GABARAPL2: variants seen among roughly 807,000 people sequenced by gnomAD.
GABARAPL2 encodes gamma-aminobutyric acid receptor-associated protein-like 2.
In GABARAPL2, 11 loss-of-function variants were observed where a neutral mutation model predicts 16.9. The ratio of observed to expected loss-of-function variants is 0.65; its 90% CI spans 0.41 to 1.08. The LOEUF (loss-of-function observed/expected upper bound fraction) is 1.08, where lower values mean the gene tolerates loss of function less well. Among genes scored for constraint, GABARAPL2 ranks in the 50% least tolerant of loss-of-function variants. GABARAPL2 has a pLI of 0.00. For missense variants in GABARAPL2, 134 were observed against 142.5 expected, an observed-to-expected ratio of 0.94 and a Z score of 0.30; for synonymous variants, 57 against 50.7, an observed-to-expected ratio of 1.12 and a Z score of -0.53.
chr16:75,568,374 C>T (rs1176591861), intron 3 of GABARAPL2, 165 bp downstream of exon 3: 2 of 490,868 alleles, frequency 4.1e-6, no homozygotes, highest in African/African-American at 1.9e-5. Context: ...GGCTGCAATA[C>T]ATAAGAGTGC....
At chr16:75,575,010 C>T (rs543400412) in intron 3 of GABARAPL2, among the ~76,000 whole-genome samples, 3 of 152,046 alleles carry the variant, frequency 2.0e-5, no homozygotes, top group Admixed American at 6.6e-5. Context: ...CCAGCCCAAG[C>T]GACAGAGCAA....
At chr16:75,573,222 C>T (rs556342377) in intron 3 of GABARAPL2, among the ~76,000 whole-genome samples, 2 of 152,356 alleles carry the variant, frequency 1.3e-5, no homozygotes, top group South Asian at 2.1e-4. Flanking sequence ...TTTTGTCTCC[C>T]TGCACTTCCA....
rs1056715315 is a variant in GABARAPL2 at position 75,577,310 on chromosome 16, A to C, written c.295A>C (p.Lys99Gln). 17 of 1,612,658 alleles carry C rather than the reference A, an allele frequency of 1.1e-5. No individual in the cohort carries two copies. The highest frequency in any genetic ancestry group is 1.4e-5 in the Non-Finnish European group (16 of 1,178,748). The stretch of plus-strand genomic sequence containing the variant: ...TATGGGACAGCTTTACGAGAAGGAA[A>C]AAGATGAAGATGGATTCTTATATGT... ...LTMGQLYEKE[K>Q]DEDGFLYVAY... The change falls in exon 4 of 4, where the codon AAA (lysine) becomes CAA (glutamine). Residue 99 changes from lysine to glutamine, a missense_variant. Physicochemically the swap from Lys to Gln is moderately conservative, Grantham distance 53. Coordinates refer to ENST00000037243, the MANE Select transcript of GABARAPL2 (RefSeq NM_007285.7).
chr16:75,571,111 G>A (rs1447439782), intron 3 of GABARAPL2, among the ~76,000 whole-genome samples: 1 of 152,162 alleles, frequency 6.6e-6, no homozygotes, highest in Non-Finnish European at 1.5e-5. Context: ...ACAAGGTCTT[G>A]CTCTGTCACC....
At chr16:75,572,981 G>A (rs776909318) in intron 3 of GABARAPL2, among the ~76,000 whole-genome samples, 17 of 152,332 alleles carry the variant, frequency 1.1e-4, no homozygotes, top group Middle Eastern at 3.4e-3. Context: ...TGCTACTTGC[G>A]AGTTGTCAGG....
At position 75,566,419 on chromosome 16, in the gene GABARAPL2, G is replaced by C; in HGVS notation, c.-68G>C. On this transcript the variant is annotated 5_prime_UTR_variant, in exon 1 of 4. Transcript: ENST00000037243. ...TGCCGCTGCCGCTGCCGCCGTCGTT[G>C]TTGTTGTGCTCGGTGCGCTGAGCTC... 2.4e-6 allele frequency: 3 copies of C among 1,227,436 alleles called. No individual in the cohort carries two copies. Among genetic ancestry groups the C allele is most frequent in the Non-Finnish European group, 3.5e-6 (3 of 848,064 alleles). The allele number at this position is 1,227,436 out of a possible 1,614,324, so 76.0% of individuals were successfully genotyped here. A position where few individuals can be genotyped will look rare whatever the true frequency, so the allele number is the denominator to read the frequency against.
At chr16:75,566,577 T>TC in intron 1 of GABARAPL2, 57 bp downstream of exon 1, 2 of 1,580,262 alleles carry the variant, frequency 1.3e-6, no homozygotes, top group East Asian at 2.3e-5. Context: ...GTGGGCCCCC[T>TC]CCCCCACTCG....
Position 75,568,228 on chromosome 16 carries a change from A to G in GABARAPL2, c.263+19A>G. ...AGTCCAGGTGAGAGGTGTTTACTAGATGGGCCCTCTGGTATTAGACATCTG... is the reference window on the plus strand; with the variant it reads ...AGTCCAGGTGAGAGGTGTTTACTAGGTGGGCCCTCTGGTATTAGACATCTG... On this transcript the variant is annotated intron_variant, in intron 3 of 3. Coordinates refer to ENST00000037243, the MANE Select transcript of GABARAPL2 (RefSeq NM_007285.7). 6.4e-7 allele frequency: 1 copy of G among 1,557,296 alleles called. No homozygotes were observed. Among genetic ancestry groups the G allele is most frequent in the East Asian group, 2.3e-5 (1 of 43,906 alleles).
At chr16:75,571,898 T>G (rs1385763451) in intron 3 of GABARAPL2, among the ~76,000 whole-genome samples, 1 of 151,978 alleles carries the variant, frequency 6.6e-6, no homozygotes, top group African/African-American at 2.4e-5. Context: ...GCTGGTCTCT[T>G]AACTCCTGAC....
Position 75,566,908 on chromosome 16 carries a change from G to T in GABARAPL2, c.90+1G>T, listed in dbSNP as rs777123029. On this transcript the variant is annotated splice_donor_variant, in intron 2 of 3. Coordinates refer to ENST00000037243, the MANE Select transcript of GABARAPL2 (RefSeq NM_007285.7). LOFTEE classifies it high-confidence loss of function. ...AGCGAAATATCCCGACAGGGTTCCG[G>T]TGAGTGGACTCTCCGCCCCCTCACC... 1.9e-6 allele frequency: 3 copies of T among 1,611,680 alleles called. No individual in the cohort carries two copies. The highest frequency in any genetic ancestry group is 2.2e-5 in the East Asian group (1 of 44,870).
intron 2 of GABARAPL2, 83 bp from the exon 3 acceptor site, chr16:75,567,954 A>G: frequency 9.4e-7 from 1 of 1,058,376 alleles, no homozygotes; most frequent in Non-Finnish European, 1.4e-6. Context: ...CCTTGCCCAC[A>G]CTCTGTTCAT....
intron 3 of GABARAPL2, among the ~76,000 whole-genome samples, chr16:75,569,388 G>C (rs1481607673): frequency 6.6e-6 from 1 of 152,178 alleles, no homozygotes; most frequent in Non-Finnish European, 1.5e-5. Context: ...TGGAAGCTGT[G>C]GTGTTGCTTG....
At chr16:75,574,469 A>G (rs1450152830) in intron 3 of GABARAPL2, among the ~76,000 whole-genome samples, 1 of 152,148 alleles carries the variant, frequency 6.6e-6, no homozygotes, top group Non-Finnish European at 1.5e-5. Flanking sequence ...ACTTGGACAA[A>G]TGGGGTAAAG....
In GABARAPL2 at chr16:75,569,576, G is replaced by C. The variant is rs536614423; in HGVS notation, c.263+1367G>C. On this transcript the variant is annotated intron_variant, in intron 3 of 3. Transcript: ENST00000037243. The stretch of plus-strand genomic sequence containing the variant: ...ACTTCTACAGAGCCTTGGTGACTCT[G>C]TGTTTTGTACTTCCTGGAGGTGTTG... 2.0e-5 allele frequency among the ~76,000 whole-genome samples: 3 copies of C among 152,334 alleles called. No homozygotes were observed. In the South Asian group the frequency reaches 6.2e-4, roughly 32 times the overall value.
intron 3 of GABARAPL2, among the ~76,000 whole-genome samples, chr16:75,575,163 G>T (rs761425984): frequency 2.6e-5 from 4 of 152,132 alleles, no homozygotes; most frequent in Non-Finnish European, 4.4e-5. Context: ...GGCTGCAGGC[G>T]TTGTTCCTCC....
rs778358235 is a variant in GABARAPL2 at position 75,566,535 on chromosome 16, G to T, written c.34+15G>T. ...CCACTCGCTGGGTAAGCACTTGGTC[G>T]TCGGCCCGGCTGCTGGGGGCTGGGG... On this transcript the variant is annotated intron_variant, in intron 1 of 3. Coordinates refer to ENST00000037243, the MANE Select transcript of GABARAPL2 (RefSeq NM_007285.7). 40 of 1,607,458 alleles carry T rather than the reference G, an allele frequency of 2.5e-5. No homozygotes were observed. The highest frequency in any genetic ancestry group is 3.4e-5 in the Non-Finnish European group (40 of 1,177,838).
chr16:75,573,996 A>G (rs180780942), intron 3 of GABARAPL2, among the ~76,000 whole-genome samples: 5 of 152,370 alleles, frequency 3.3e-5, no homozygotes, highest in East Asian at 1.9e-4. Context: ...GATTTTTACT[A>G]TCAGCTTCTG....
At position 75,566,405 on chromosome 16, in the gene GABARAPL2, C is replaced by G. The variant is rs558796369; in HGVS notation, c.-82C>G. The G allele has an allele frequency of 1.9e-6, 2 of 1,078,874 alleles. No homozygotes were observed. Among genetic ancestry groups the G allele is most frequent in the African/African-American group, 1.6e-5 (1 of 61,588 alleles). The allele number at this position is 1,078,874 out of a possible 1,614,324, so 66.8% of individuals were successfully genotyped here. On this transcript the variant is annotated 5_prime_UTR_variant, in exon 1 of 4. Coordinates refer to ENST00000037243, the MANE Select transcript of GABARAPL2 (RefSeq NM_007285.7). ...GTCGCCGCCGTCGCTGCCGCTGCCG[C>G]TGCCGCCGTCGTTGTTGTTGTGCTC...
intron 2 of GABARAPL2, among the ~76,000 whole-genome samples, chr16:75,567,372 C>T (rs915938137): frequency 6.6e-6 from 1 of 152,148 alleles, no homozygotes; most frequent in African/African-American, 2.4e-5. Flanking sequence ...TGTGAAAAGC[C>T]GCTGAAAACC....
Sources: gnomAD v4.1 joint callset for allele counts (sites outside exome capture counted in the v4.1 genomes callset) on GRCh38, gnomAD v4.1.1 for gene constraint, MANE v1.5 for transcripts, NCBI Gene and HGNC (gene_info 2026-07-23, HGNC 2026-07-21) for gene names.